The following SMARCAL1 variants were observed in gnomAD, a reference collection of about 807,000 sequenced individuals.
SMARCAL1 encodes ATP-driven annealing helicase.
SMARCAL1 carries 58 observed loss-of-function variants against 94.5 expected under a neutral mutation model. The ratio of observed to expected loss-of-function variants is 0.61; its 90% CI spans 0.50 to 0.76. The LOEUF (loss-of-function observed/expected upper bound fraction) is 0.76, where lower values mean the gene tolerates loss of function less well. SMARCAL1 is among the 30% of genes least tolerant of loss of function. The pLI is 0.00. For missense variants in SMARCAL1, 1,051 were observed against 1,177.9 expected (o/e 0.89, Z 1.58); for synonymous variants, 422 against 455.1 (o/e 0.93, Z 0.93).
In SMARCAL1 at chr2:216,475,132, T is replaced by G. The variant is rs1695042999; in HGVS notation, c.2245-137T>G. The G allele has an allele frequency of 7.9e-6, 6 of 756,190 alleles. No homozygotes were observed. The Admixed American group carries it at 9.7e-5, about 12-fold the overall frequency. The allele number at this position is 756,190 out of a possible 1,614,324, so 46.8% of individuals were successfully genotyped here. Reference sequence around the variant, plus strand: ...CAGTCATCTCAATACCAATGTCAATTTGAAAAGAAAAGCTCTGAAGGCAGG... The same window carrying G: ...CAGTCATCTCAATACCAATGTCAATGTGAAAAGAAAAGCTCTGAAGGCAGG... On this transcript the variant is annotated intron_variant, in intron 14 of 17. Transcript: ENST00000357276. The surrounding 1 kb of genome is among the most constrained non-coding windows in gnomAD (Gnocchi z 4.4).
In SMARCAL1 at chr2:216,446,508, C is replaced by T. The variant is rs560272340; in HGVS notation, c.1711-510C>T. 1.4e-4 allele frequency among the ~76,000 whole-genome samples: 21 copies of T among 152,290 alleles called. 1 individual carries two copies. The South Asian group carries it at 4.1e-3, about 30-fold the overall frequency. On this transcript the variant is annotated intron_variant, in intron 10 of 17. Transcript: ENST00000357276. ...ATGGGAGAGGGCTGATTGTAATTGT[C>T]ATTATCTGAGTTCAACTTGCATGTC... is the stretch of plus-strand genomic sequence containing the variant.
chr2:216,415,647 T>C (rs1693582723), intron 3 of SMARCAL1, 132 bp downstream of exon 3: 1 of 884,872 alleles, frequency 1.1e-6, no homozygotes. Context: ...TAAAAATTTT[T>C]CAATTTTAGC....
intron 6 of SMARCAL1, among the ~76,000 whole-genome samples, chr2:216,424,288 C>T (rs998048340): frequency 6.6e-6 from 1 of 152,102 alleles, no homozygotes; most frequent in African/African-American, 2.4e-5. Context: ...CTGTGTTTTG[C>T]TTAGATGGGG....
chr2:216,460,251 G>C (rs889630432), intron 12 of SMARCAL1, among the ~76,000 whole-genome samples: 10 of 152,328 alleles, frequency 6.6e-5, no homozygotes, highest in Admixed American at 2.6e-4. Context: ...CTGTAAACTA[G>C]TTCAACCACT....
chr2:216,474,374 A>G (rs1373530541), intron 14 of SMARCAL1, among the ~76,000 whole-genome samples: 1 of 143,654 alleles, frequency 7.0e-6, no homozygotes, highest in Non-Finnish European at 1.5e-5. Flanking sequence ...TCCTGACCTC[A>G]GGTGATCTAC....
chr2:216,466,596 T>C (rs1694833886), intron 13 of SMARCAL1, among the ~76,000 whole-genome samples: 1 of 152,168 alleles, frequency 6.6e-6, no homozygotes, highest in Non-Finnish European at 1.5e-5. Context: ...GTTATTGTGG[T>C]AGGCAGATAT....
chr2:216,455,587 CAG>C (rs1199382676), intron 12 of SMARCAL1, among the ~76,000 whole-genome samples: 2 of 152,212 alleles, frequency 1.3e-5, no homozygotes, highest in Non-Finnish European at 2.9e-5. Context: ...CCGAGCCAAA[CAG>C]GGTCTGGAGT....
chr2:216,431,400 C>T (rs908522166), intron 7 of SMARCAL1, among the ~76,000 whole-genome samples: 1 of 152,212 alleles, frequency 6.6e-6, no homozygotes, highest in Non-Finnish European at 1.5e-5. Flanking sequence ...TAGTATTTGG[C>T]ACAGAGGACC....
intron 10 of SMARCAL1, among the ~76,000 whole-genome samples, chr2:216,442,687 T>G (rs115806656): frequency 0.011 from 1,661 of 152,370 alleles, 22 homozygotes; most frequent in African/African-American, 0.038. Context: ...CATTCCATGT[T>G]GTTCCAAATG....
At chr2:216,438,758 G>C (rs1343310749) in intron 10 of SMARCAL1, among the ~76,000 whole-genome samples, 1 of 152,088 alleles carries the variant, frequency 6.6e-6, no homozygotes, top group Non-Finnish European at 1.5e-5. Context: ...GTTGAGGCTG[G>C]GTGGGCATTG....
At chr2:216,446,913 G>C (rs1017290924) in intron 10 of SMARCAL1, 105 bp from the exon 11 acceptor site, 4 of 1,336,604 alleles carry the variant, frequency 3.0e-6, no homozygotes, top group Non-Finnish European at 2.1e-6. Context: ...ACACGCACGC[G>C]GTCTTTTTCT....
intron 14 of SMARCAL1, 98 bp downstream of exon 14, chr2:216,468,144 C>A: frequency 1.3e-6 from 1 of 797,772 alleles, no homozygotes; most frequent in Non-Finnish European, 2.2e-6. Flanking sequence ...AGACCGATGG[C>A]TTCCGGAAGC....
chr2:216,464,733 A>G, intron 13 of SMARCAL1, 66 bp downstream of exon 13: 1 of 1,081,344 alleles, frequency 9.2e-7, no homozygotes, highest in South Asian at 1.3e-5. Flanking sequence ...ACAACTTATT[A>G]CTTTATTCTG....
intron 10 of SMARCAL1, among the ~76,000 whole-genome samples, chr2:216,442,579 A>C (rs1210597406): frequency 6.6e-6 from 1 of 152,186 alleles, no homozygotes; most frequent in African/African-American, 2.4e-5. Context: ...GCACCTATGG[A>C]AGTACGAGTG....
intron 14 of SMARCAL1, among the ~76,000 whole-genome samples, chr2:216,469,134 A>G (rs1160232209): frequency 1.3e-5 from 2 of 152,144 alleles, no homozygotes; most frequent in African/African-American, 4.8e-5. Context: ...CTTGCCCTCC[A>G]TGTTGTCATA....
rs905761925 is a variant in SMARCAL1, at chr2:216,482,250, C to T, written c.2626-488C>T. Among the ~76,000 whole-genome samples the T allele has an allele frequency of 6.6e-6, 1 of 151,632 alleles. No individual in the cohort carries two copies. Among genetic ancestry groups the T allele is most frequent in the Non-Finnish European group, 1.5e-5 (1 of 67,936 alleles). ...GGCAGATCATTTGAGCTCAGGAGTT[C>T]GAGACCAGCCTGGGCAACATTTAGT... On this transcript the variant is annotated intron_variant, in intron 17 of 17. Transcript: ENST00000357276. This position sits in a 1 kb window ranked among gnomAD's most constrained non-coding sequence, Gnocchi z 4.3.
intron 3 of SMARCAL1, 36 bp from the exon 4 acceptor site, chr2:216,416,221 A>G: frequency 4.4e-6 from 7 of 1,599,334 alleles, no homozygotes; most frequent in Admixed American, 3.3e-5. Context: ...CTAAGTACAA[A>G]TTGTCAACAG....
At chr2:216,435,599 A>G (rs920426047) in intron 9 of SMARCAL1, 103 bp downstream of exon 9, 16 of 1,003,772 alleles carry the variant, frequency 1.6e-5, no homozygotes, top group Non-Finnish European at 2.0e-5. Flanking sequence ...AGCCCCATTT[A>G]GTTTCTAGAA....
intron 3 of SMARCAL1, 114 bp downstream of exon 3, chr2:216,415,629 C>A: frequency 9.9e-7 from 1 of 1,010,136 alleles, no homozygotes; most frequent in East Asian, 2.4e-5. Flanking sequence ...TGCTGTCCAT[C>A]CAGTTGTTAA....
Sources: gnomAD v4.1 joint callset for allele counts (sites outside exome capture counted in the v4.1 genomes callset) on GRCh38, gnomAD v4.1.1 for gene constraint, Gnocchi (gnomAD v3.1) non-coding constraint, MANE v1.5 for transcripts, NCBI Gene and HGNC (gene_info 2026-07-23, HGNC 2026-07-21) for gene names.